Variants in RICTOR observed in about 807,000 individuals in gnomAD.
The protein encoded by RICTOR is RPTOR independent companion of MTOR complex 2, also known as rapamycin-insensitive companion of mTOR.
In RICTOR, 49 loss-of-function variants were observed where a neutral mutation model predicts 214.9. The observed-to-expected ratio is 0.23, with a 90% CI of 0.18 to 0.29. The LOEUF is 0.29. Among genes scored for constraint, RICTOR ranks in the 10% least tolerant of loss-of-function variants. RICTOR has a pLI of 1.00. For missense variants in RICTOR, 1,625 were observed against 2,047.0 expected (o/e 0.79, Z 3.98); for synonymous variants, 717 against 711.3 (o/e 1.01, Z -0.13).
At chr5:39,025,051 GTGA>G (rs1390169087) in intron 2 of RICTOR, among the ~76,000 whole-genome samples, 2 of 152,060 alleles carry the variant, frequency 1.3e-5, no homozygotes, top group Non-Finnish European at 2.9e-5. Flanking sequence ...AAACTGACAG[GTGA>G]TGATAACTCA....
chr5:38,960,644 C>T (rs1277931841), intron 19 of RICTOR, 111 bp from the exon 20 acceptor site: 1 of 1,094,232 alleles, frequency 9.1e-7, no homozygotes, highest in Non-Finnish European at 1.3e-6. Flanking sequence ...TGGGTCTGAA[C>T]CATTGGGATA....
chr5:39,046,160 AAG>A (rs1026767313), intron 2 of RICTOR, among the ~76,000 whole-genome samples: 1 of 151,556 alleles, frequency 6.6e-6, no homozygotes, highest in South Asian at 2.1e-4. Context: ...CACCAGCAAT[AAG>A]AGCACTGTAA....
At chr5:39,032,167 A>G (rs1050139966) in intron 2 of RICTOR, among the ~76,000 whole-genome samples, 1 of 152,176 alleles carries the variant, frequency 6.6e-6, no homozygotes, top group African/African-American at 2.4e-5. Flanking sequence ...AGAAAAATAG[A>G]ACATTTTTTC....
intron 3 of RICTOR, among the ~76,000 whole-genome samples, chr5:39,016,040 T>C (rs961768182): frequency 1.3e-5 from 2 of 152,136 alleles, no homozygotes; most frequent in Non-Finnish European, 2.9e-5. Flanking sequence ...ACTTTATTCA[T>C]GGGACAGCCC....
chr5:38,942,227 G>GT lies in RICTOR; in HGVS notation c.*76dup. On this transcript the variant is annotated 3_prime_UTR_variant, in exon 38 of 38. Coordinates refer to ENST00000357387, the MANE Select transcript of RICTOR (RefSeq NM_152756.5). ...TCCTGTCTTTGCTGCCTAGTCAGTC[G>GT]TATTTTCTGAGGCTTTTAGGAAATC... The GT allele has an allele frequency of 1.2e-6, 1 of 840,262 alleles. No individual in the cohort carries two copies. Among genetic ancestry groups the GT allele is most frequent in the South Asian group, 2.0e-5 (1 of 48,840 alleles). The allele number at this position is 840,262 out of a possible 1,614,324, so 52.1% of individuals were successfully genotyped here.
intron 11 of RICTOR, chr5:38,969,978 C>T (rs2150038365): frequency 6.6e-6 from 1 of 152,136 alleles, no homozygotes; most frequent in Non-Finnish European, 1.5e-5. Context: ...TATTTTTAAT[C>T]TTTTATACTG....
At chr5:38,986,372 C>A (rs1479476702) in intron 7 of RICTOR, among the ~76,000 whole-genome samples, 5 of 152,038 alleles carry the variant, frequency 3.3e-5, no homozygotes, top group Non-Finnish European at 4.4e-5. Context: ...TCAAGGAGTT[C>A]ATAATAGTGT....
chr5:38,977,690 G>A (rs564198437), intron 9 of RICTOR, among the ~76,000 whole-genome samples: 2 of 147,028 alleles, frequency 1.4e-5, no homozygotes, highest in African/African-American at 2.5e-5. Context: ...CCGCCTCCCA[G>A]GTTCAAGCAA....
chr5:39,022,829 T>C (rs1175701873), intron 2 of RICTOR, among the ~76,000 whole-genome samples: 1 of 152,214 alleles, frequency 6.6e-6, no homozygotes, highest in Non-Finnish European at 1.5e-5. Context: ...AAACAGTGTA[T>C]TGTCTAGCAA....
intron 28 of RICTOR, 34 bp downstream of exon 28, chr5:38,953,427 T>C (rs531820713): frequency 4.3e-6 from 4 of 927,958 alleles, no homozygotes; most frequent in African/African-American, 3.5e-5. Context: ...AATCTAAAAA[T>C]TGCGAAGATC....
intron 3 of RICTOR, among the ~76,000 whole-genome samples, chr5:39,009,392 TA>T (rs1484934428): frequency 6.6e-6 from 1 of 152,154 alleles, no homozygotes; most frequent in Non-Finnish European, 1.5e-5. Flanking sequence ...ACGCACCATT[TA>T]AAAAGTGTTT....
At chr5:39,016,633 A>C (rs1754979374) in intron 3 of RICTOR, among the ~76,000 whole-genome samples, 1 of 152,114 alleles carries the variant, frequency 6.6e-6, no homozygotes, top group African/African-American at 2.4e-5. Context: ...GACAGAAATA[A>C]ATGAAGAATG....
In RICTOR at chr5:39,021,130, G is replaced by C; in HGVS notation, c.104C>G (p.Ser35Cys). The change falls in exon 3 of 38, where the codon TCT (serine) becomes TGT (cysteine). Residue 35 changes from serine to cysteine, a missense_variant. Transcript: ENST00000357387. ...NVPLDLTREP[S>C]DNLREILQNV... Reference sequence around the variant, plus strand: ...TTGGAGAATCTCTCTTAAGTTATCAGAAGGTTCTAGAAGGAAAGACAAGAC... The same window carrying C: ...TTGGAGAATCTCTCTTAAGTTATCACAAGGTTCTAGAAGGAAAGACAAGAC... 6.6e-7 allele frequency: 1 copy of C among 1,521,418 alleles called. No homozygotes were observed. The allele number at this position is 1,521,418 out of a possible 1,614,324, so 94.2% of individuals were successfully genotyped here. A position where few individuals can be genotyped will look rare whatever the true frequency, so the allele number is the denominator to read the frequency against.
intron 3 of RICTOR, among the ~76,000 whole-genome samples, chr5:39,004,722 C>A (rs1753896858): frequency 6.6e-6 from 1 of 151,498 alleles, no homozygotes; most frequent in South Asian, 2.1e-4. Context: ...CTGCCTAAGC[C>A]TCCTGAAGTG....
At chr5:38,948,332 T>C (rs1748413548) in intron 31 of RICTOR, among the ~76,000 whole-genome samples, 1 of 152,126 alleles carries the variant, frequency 6.6e-6, no homozygotes, top group Non-Finnish European at 1.5e-5. Flanking sequence ...GCTATTAACA[T>C]AGCAAAAACC....
At chr5:39,063,857 T>C (rs1239665541) in intron 2 of RICTOR, among the ~76,000 whole-genome samples, 3 of 151,924 alleles carry the variant, frequency 2.0e-5, no homozygotes, top group African/African-American at 7.3e-5. Flanking sequence ...GGAAAAGTAA[T>C]TGAAGGACGC....
chr5:39,046,590 T>C (rs917920022), intron 2 of RICTOR, among the ~76,000 whole-genome samples: 4 of 152,124 alleles, frequency 2.6e-5, no homozygotes, highest in African/African-American at 9.7e-5. Flanking sequence ...AGTTTTTCTC[T>C]CAGCTTTTCA....
At chr5:39,063,529 T>C (rs565046377) in intron 2 of RICTOR, among the ~76,000 whole-genome samples, 1 of 152,324 alleles carries the variant, frequency 6.6e-6, no homozygotes, top group Admixed American at 6.5e-5. Context: ...ATATCTTCAC[T>C]TCTAAGAGAT....
chr5:38,993,276 T>C (rs951707137), intron 6 of RICTOR, among the ~76,000 whole-genome samples: 4 of 152,190 alleles, frequency 2.6e-5, no homozygotes, highest in African/African-American at 9.7e-5. Flanking sequence ...TGTAAAAAGT[T>C]TGTGGAATTC....
Sources: allele counts gnomAD v4.1 joint callset (sites outside exome capture counted in the v4.1 genomes callset), GRCh38; gene constraint gnomAD v4.1.1; transcripts MANE v1.5; gene names NCBI Gene and HGNC (gene_info 2026-07-23, HGNC 2026-07-21).